Variants in TRIM55 observed in about 807,000 individuals in gnomAD.
The protein encoded by TRIM55 is tripartite motif containing 55.
Under a neutral mutation model 60.9 loss-of-function variants are expected in TRIM55, and 50 were observed. That is an observed-to-expected ratio of 0.82 (90% CI 0.65 to 1.04). The LOEUF (loss-of-function observed/expected upper bound fraction) is 1.04, where lower values mean the gene tolerates loss of function less well. Among genes scored for constraint, TRIM55 ranks in the 50% least tolerant of loss-of-function variants. The pLI, the probability that TRIM55 is intolerant of heterozygous loss-of-function variation, is 0.00. For synonymous variants in TRIM55, 237 were observed against 238.1 expected (o/e 1.00, Z 0.04); for missense variants, 681 against 666.9 (o/e 1.02, Z -0.23).
chr8:66,150,358 A>G lies in TRIM55; in HGVS notation c.877A>G (p.Lys293Glu), dbSNP rs370479226. The G allele has an allele frequency of 1.1e-5, 17 of 1,614,244 alleles. No individual in the cohort carries two copies. In the African/African-American group the frequency reaches 2.1e-4, roughly 20 times the overall value. Residue 293 changes from lysine to glutamate, a missense_variant, in exon 7 of 10, where the codon AAG becomes GAG. Physicochemically the swap from Lys to Glu is moderately conservative, Grantham distance 56. Transcript: ENST00000315962. ...TLLKKISEAS[K>E]AFQMEKIEHG... ...TTGTTGCAGAATCTCGGAAGCATCA[A>G]AGGCATTTCAGATGGAGAAAATAGA... is the stretch of plus-strand genomic sequence containing the variant.
rs151067178 is a variant in TRIM55, at chr8:66,135,014, C to A, written c.366C>A (p.Pro122=). 6.2e-7 allele frequency: 1 copy of A among 1,614,070 alleles called. No homozygotes were observed. Among genetic ancestry groups the A allele is most frequent in the South Asian group, 1.1e-5 (1 of 91,088 alleles). The change falls in exon 3 of 10, where the codon CCC becomes CCA. Residue 122 remains proline (P), a synonymous_variant. Coordinates refer to ENST00000315962, the MANE Select transcript of TRIM55 (RefSeq NM_184085.2). ...GGCCAGAAAAGAAATCCGACCAGCC[C>A]ATGTGCGAGGAACATGAAGAGGAGC... is the stretch of plus-strand genomic sequence containing the variant. ...STRPEKKSDQ[P]MCEEHEEERI...
At chr8:66,160,091 T>C (rs541806316) in intron 9 of TRIM55, among the ~76,000 whole-genome samples, 1 of 152,192 alleles carries the variant, frequency 6.6e-6, no homozygotes, top group South Asian at 2.1e-4. Flanking sequence ...GAGATTTTGG[T>C]GCACCCAAGC....
intron 9 of TRIM55, among the ~76,000 whole-genome samples, chr8:66,158,282 A>G (rs1463793043): frequency 6.6e-6 from 1 of 152,104 alleles, no homozygotes; most frequent in African/African-American, 2.4e-5. Flanking sequence ...ATAGAACCAC[A>G]GCTCAGTATT....
chr8:66,149,757 A>G lies in TRIM55; in HGVS notation c.716A>G (p.Glu239Gly). 1 of 1,614,220 alleles carries G rather than the reference A, an allele frequency of 6.2e-7. No individual in the cohort carries two copies. Among genetic ancestry groups the G allele is most frequent in the Non-Finnish European group, 8.5e-7 (1 of 1,180,020 alleles). The change falls in exon 5 of 10, where the codon GAG becomes GGG. Residue 239 changes from glutamate to glycine, a missense_variant. Physicochemically the swap from Glu to Gly is moderately conservative, Grantham distance 98. Coordinates refer to ENST00000315962, the MANE Select transcript of TRIM55 (RefSeq NM_184085.2). ...CAAGTCATTACCCGAACCCAAGAGG[A>G]GAAACTGGAACATGTCCGTGCTCTG... ...MTQVITRTQE[E>G]KLEHVRALIK...
chr8:66,171,618 G>A lies in TRIM55; in HGVS notation c.1525-2853G>A, dbSNP rs150551921. Among the ~76,000 whole-genome samples the A allele has an allele frequency of 7.7e-3, 1,180 of 152,288 alleles. 8 individuals carry two copies. The highest frequency in any genetic ancestry group is 0.013 in the Non-Finnish European group (865 of 68,012). ...CAGTGCTTGTAATTCTCTGTCCCTT[G>A]TTCTGCTTCATAGAACATCACTATT... On this transcript the variant is annotated intron_variant, in intron 9 of 9. Coordinates refer to ENST00000315962, the MANE Select transcript of TRIM55 (RefSeq NM_184085.2).
intron 4 of TRIM55, among the ~76,000 whole-genome samples, chr8:66,147,423 A>G (rs780815022): frequency 3.3e-5 from 5 of 152,184 alleles, no homozygotes; most frequent in Non-Finnish European, 2.9e-5. Flanking sequence ...TTCATAATCA[A>G]CAATTTGGTT....
intron 1 of TRIM55, 152 bp downstream of exon 1, chr8:66,127,588 A>G: frequency 1.2e-6 from 1 of 848,610 alleles, no homozygotes; most frequent in Non-Finnish European, 1.8e-6. Context: ...GCACTTTGGG[A>G]GGCTGAGGCC....
rs1340163818 is a variant in TRIM55, at chr8:66,174,553, A to G, written c.1607A>G (p.His536Arg). The G allele has an allele frequency of 6.2e-7, 1 of 1,608,698 alleles. No individual in the cohort carries two copies. The highest frequency in any genetic ancestry group is 1.1e-5 in the South Asian group (1 of 90,428). The change falls in exon 10 of 10, where the codon CAT (histidine) becomes CGT (arginine). Residue 536 changes from histidine to arginine, a missense_variant. His to Arg is a conservative substitution (Grantham distance 29). Transcript: ENST00000315962. ...GGAGCTGATTCTGAGCCAGCTCGCC[A>G]TATCTTCTCCTTTTCCTGGTTGAAC... ...GSGADSEPAR[H>R]IFSFSWLNSL...
chr8:66,121,309 C>T, the TRIM55 span, among the ~76,000 whole-genome samples: 1 of 152,212 alleles, frequency 6.6e-6, no homozygotes, highest in Non-Finnish European at 1.5e-5. Context: ...GAGGGACAAC[C>T]AGGACTTCCA....
Position 66,137,237 on chromosome 8 carries a change from TG to T in TRIM55, c.603+52del, listed in dbSNP as rs757514827. 51 of 1,441,818 alleles carry T rather than the reference TG, an allele frequency of 3.5e-5. No homozygotes were observed. In the African/African-American group the frequency reaches 5.6e-4, roughly 16 times the overall value. 89.3% of individuals were successfully genotyped at this position (1,441,818 alleles called of 1,614,324 possible). On this transcript the variant is annotated intron_variant, in intron 4 of 9. Transcript: ENST00000315962. ...GCGTCTCAACCAAGCCTGCAATGCC[TG>T]GGGGTTTATGACTTCCTTAGTGCCA...
intron 9 of TRIM55, among the ~76,000 whole-genome samples, chr8:66,167,226 C>T (rs374385266): frequency 6.6e-6 from 1 of 152,186 alleles, no homozygotes; most frequent in East Asian, 1.9e-4. Flanking sequence ...TGAGTCTGAA[C>T]TTTCTCATCT....
intron 9 of TRIM55, among the ~76,000 whole-genome samples, chr8:66,161,830 C>T (rs887708927): frequency 9.5e-5 from 14 of 148,008 alleles, no homozygotes; most frequent in Non-Finnish European, 4.4e-5. Flanking sequence ...TTGGCTGCTG[C>T]TGGTGTATAG....
At chr8:66,160,704 G>A (rs1413861991) in intron 9 of TRIM55, among the ~76,000 whole-genome samples, 1 of 151,544 alleles carries the variant, frequency 6.6e-6, no homozygotes, top group Non-Finnish European at 1.5e-5. Context: ...TTTTGATTAT[G>A]GCCATTCTTG....
chr8:66,161,778 A>G (rs1167334043), intron 9 of TRIM55, among the ~76,000 whole-genome samples: 1 of 120,924 alleles, frequency 8.3e-6, no homozygotes, highest in Admixed American at 8.8e-5. Flanking sequence ...TTTTGCAAGT[A>G]TTGTGAAAGG....
intron 4 of TRIM55, among the ~76,000 whole-genome samples, chr8:66,139,466 T>C (rs2128976237): frequency 6.6e-6 from 1 of 150,756 alleles, no homozygotes; most frequent in Middle Eastern, 3.4e-3. Context: ...GTTTTCTTCA[T>C]AGAAGCCGAT....
At chr8:66,165,569 A>T (rs1331809806) in intron 9 of TRIM55, among the ~76,000 whole-genome samples, 1 of 152,202 alleles carries the variant, frequency 6.6e-6, no homozygotes, top group African/African-American at 2.4e-5. Flanking sequence ...TAATTGAAGG[A>T]TTCAGGGTGT....
intron 9 of TRIM55, among the ~76,000 whole-genome samples, chr8:66,157,902 G>A (rs75255137): frequency 0.023 from 3,571 of 152,150 alleles, 143 homozygotes; most frequent in African/African-American, 0.08. Flanking sequence ...CTTCCTCTAC[G>A]AGTGATGGAC....
At chr8:66,155,648 T>C in intron 9 of TRIM55, 2 of 1,613,034 alleles carry the variant, frequency 1.2e-6, no homozygotes, top group South Asian at 1.1e-5. Context: ...CTAGCGCTTT[T>C]GGCTTTTCTT....
At chr8:66,126,293 A>C (rs1474190202), upstream of TRIM55, among the ~76,000 whole-genome samples, 1 of 152,218 alleles carries the variant, frequency 6.6e-6, no homozygotes, top group East Asian at 1.9e-4. Context: ...CTCATTACAG[A>C]TTATTGTTGC....
Sources: allele counts gnomAD v4.1 joint callset (sites outside exome capture counted in the v4.1 genomes callset), GRCh38; gene constraint gnomAD v4.1.1; transcripts MANE v1.5; gene names NCBI Gene and HGNC (gene_info 2026-07-23, HGNC 2026-07-21).